CSMD2: variants seen among roughly 807,000 people sequenced by gnomAD.
CSMD2 encodes the protein CUB and sushi domain-containing protein 2.
In CSMD2, 130 loss-of-function variants were observed where a neutral mutation model predicts 398.5. The observed-to-expected ratio is 0.33, with a 90% CI of 0.28 to 0.38. The LOEUF (loss-of-function observed/expected upper bound fraction) is 0.38. CSMD2 is among the 10% of genes least tolerant of loss of function. The pLI is 1.00. For missense variants in CSMD2, 3,829 were observed against 4,764.9 expected (o/e 0.80, Z 5.78); for synonymous variants, 1,828 against 1,908.5 (o/e 0.96, Z 1.10).
At chr1:33,605,941 G>T (rs764096403) in intron 41 of CSMD2, 1 of 1,613,842 alleles carries the variant, frequency 6.2e-7, no homozygotes, top group Non-Finnish European at 8.5e-7. Flanking sequence ...AACTCCGAGA[G>T]ATCAAAACCT....
Position 33,658,027 on chromosome 1 carries a change from C to G in CSMD2, c.4366G>C (p.Ala1456Pro). ...CTGATCTCTGCACTTCCCTGCAGCG[C>G]GTAGCCAGGGTCACACTGGAACACT... ...STVFQCDPGYALQGSAEISCV... is the reference protein window; with the variant it reads ...STVFQCDPGYPLQGSAEISCV... The change falls in exon 27 of 71, where the codon GCG becomes CCG. Residue 1456 changes from alanine to proline, a missense_variant. Ala to Pro is a conservative substitution (Grantham distance 27). This residue lies in a region of CSMD2 where 2,001 missense variants were observed against 2,567.1 expected (regional missense o/e 0.78). Coordinates refer to ENST00000373381, the MANE Select transcript of CSMD2 (RefSeq NM_001281956.2). 6.2e-7 allele frequency: 1 copy of G among 1,614,204 alleles called. No homozygotes were observed. The highest frequency in any genetic ancestry group is 8.5e-7 in the Non-Finnish European group (1 of 1,180,020).
At chr1:33,773,764 G>A (rs1334420340) in intron 12 of CSMD2, among the ~76,000 whole-genome samples, 1 of 152,174 alleles carries the variant, frequency 6.6e-6, no homozygotes, top group African/African-American at 2.4e-5. Flanking sequence ...AGACGGTGAG[G>A]TGAGGACTGT....
At chr1:33,722,346 G>A (rs1431361885) in intron 19 of CSMD2, among the ~76,000 whole-genome samples, 1 of 152,130 alleles carries the variant, frequency 6.6e-6, no homozygotes, top group Admixed American at 6.5e-5. Flanking sequence ...ATATTTTCGA[G>A]ACTTTTGATT....
intron 1 of CSMD2, among the ~76,000 whole-genome samples, chr1:34,105,916 GA>G (rs1660481839): frequency 6.6e-6 from 1 of 152,188 alleles, no homozygotes; most frequent in South Asian, 2.1e-4. Flanking sequence ...ATGATTGGTA[GA>G]AATGCTGTTT....
At chr1:33,698,658 C>T in intron 24 of CSMD2, 95 bp downstream of exon 24, 4 of 1,202,668 alleles carry the variant, frequency 3.3e-6, no homozygotes, top group Non-Finnish European at 4.7e-6. Flanking sequence ...GGCCCCCAGG[C>T]CCTGGAGCAT....
intron 15 of CSMD2, among the ~76,000 whole-genome samples, chr1:33,737,733 G>A (rs1223682236): frequency 6.6e-6 from 1 of 152,116 alleles, no homozygotes; most frequent in Non-Finnish European, 1.5e-5. Context: ...CATTTATTCG[G>A]TGACTCATCA....
At chr1:33,787,221 C>T (rs1031421613) in intron 12 of CSMD2, among the ~76,000 whole-genome samples, 6 of 152,150 alleles carry the variant, frequency 3.9e-5, no homozygotes, top group Admixed American at 1.3e-4. Context: ...TGAGCCTTGG[C>T]GTCAGACTTC....
At chr1:33,596,444 A>G (rs1269910027) in intron 44 of CSMD2, among the ~76,000 whole-genome samples, 1 of 152,172 alleles carries the variant, frequency 6.6e-6, no homozygotes, top group East Asian at 1.9e-4. Flanking sequence ...CCTGACAGGT[A>G]TGGATGCTGT....
intron 28 of CSMD2, among the ~76,000 whole-genome samples, chr1:33,651,710 G>C (rs1348789614): frequency 6.6e-6 from 1 of 152,238 alleles, no homozygotes; most frequent in Non-Finnish European, 1.5e-5. Context: ...TCAAGAGGTG[G>C]AGTGGATAAA....
At chr1:33,935,582 G>A (rs1644453105) in intron 4 of CSMD2, among the ~76,000 whole-genome samples, 178 bp downstream of exon 4, 1 of 152,184 alleles carries the variant, frequency 6.6e-6, no homozygotes. Context: ...GGTCAGGTGA[G>A]GTTGAAATAC....
chr1:33,643,889 T>TAAAG (rs1007634477), intron 29 of CSMD2, among the ~76,000 whole-genome samples: 1 of 142,808 alleles, frequency 7.0e-6, no homozygotes, highest in African/African-American at 2.6e-5. Flanking sequence ...AGTCTGGGAA[T>TAAAG]GAAGGAAGGA....
At position 34,164,464 on chromosome 1, in the gene CSMD2, A is replaced by AGGG. The variant is rs1418130799; in HGVS notation, c.187+444_187+446dup. Reference sequence around the variant, plus strand: ...AGACCTTGCAGACGCAGAAATGGGGAGGGGGCGCACGGTTCCTCTCCAGCC... The same window carrying AGGG: ...AGACCTTGCAGACGCAGAAATGGGGAGGGGGGGGCGCACGGTTCCTCTCCAGCC... On this transcript the variant is annotated intron_variant, in intron 1 of 70. Coordinates refer to ENST00000373381, the MANE Select transcript of CSMD2 (RefSeq NM_001281956.2). The surrounding 1 kb of genome is among the most constrained non-coding windows in gnomAD (Gnocchi z 6.2). 6.6e-6 allele frequency among the ~76,000 whole-genome samples: 1 copy of AGGG among 151,674 alleles called. No individual in the cohort carries two copies. The highest frequency in any genetic ancestry group is 1.5e-5 in the Non-Finnish European group (1 of 67,926).
chr1:33,869,608 T>C (rs537652646), intron 5 of CSMD2, among the ~76,000 whole-genome samples: 3 of 152,256 alleles, frequency 2.0e-5, no homozygotes, highest in East Asian at 3.9e-4. Context: ...TTTCTGGGAG[T>C]TGGATCTATA....
intron 25 of CSMD2, among the ~76,000 whole-genome samples, chr1:33,672,804 C>T (rs1644555975): frequency 2.0e-5 from 3 of 152,212 alleles, no homozygotes; most frequent in Admixed American, 2.0e-4. Context: ...TGCAGTTCAC[C>T]AATATCTGCT....
intron 2 of CSMD2, among the ~76,000 whole-genome samples, chr1:34,063,002 G>A (rs1654693738): frequency 6.6e-6 from 1 of 152,144 alleles, no homozygotes; most frequent in Non-Finnish European, 1.5e-5. Flanking sequence ...CAAGATAAAA[G>A]TGAGGAAGAT....
chr1:33,696,268 GAGA>G (rs1213065475), intron 24 of CSMD2, among the ~76,000 whole-genome samples: 3 of 152,202 alleles, frequency 2.0e-5, no homozygotes, highest in African/African-American at 4.8e-5. Flanking sequence ...CTAGAAATAG[GAGA>G]AGAAGGGATC....
intron 28 of CSMD2, among the ~76,000 whole-genome samples, chr1:33,648,146 A>G (rs1047828140): frequency 6.6e-6 from 1 of 152,104 alleles, no homozygotes; most frequent in African/African-American, 2.4e-5. Flanking sequence ...GCGGATCACA[A>G]GGTCCGGAGA....
chr1:33,804,839 T>C (rs1314780859), intron 10 of CSMD2: 1 of 717,462 alleles, frequency 1.4e-6, no homozygotes, highest in Admixed American at 2.0e-5. Flanking sequence ...GTCTTAGACT[T>C]TGAGTTTCCA....
chr1:34,131,524 C>T (rs1236020146), intron 1 of CSMD2, among the ~76,000 whole-genome samples: 1 of 152,112 alleles, frequency 6.6e-6, no homozygotes, highest in Non-Finnish European at 1.5e-5. Context: ...GCATCCTGCA[C>T]CTTCTTCCCC....
Sources: gnomAD v4.1 joint callset for allele counts (sites outside exome capture counted in the v4.1 genomes callset) on GRCh38, gnomAD v4.1.1 for gene constraint, gnomAD v4.1.1 regional missense constraint, Gnocchi (gnomAD v3.1) non-coding constraint, MANE v1.5 for transcripts, NCBI Gene and HGNC (gene_info 2026-07-23, HGNC 2026-07-21) for gene names.